Variants in MDGA2 observed in about 807,000 individuals in gnomAD.
MDGA2 encodes the protein MAM domain-containing glycosylphosphatidylinositol anchor protein 2.
MDGA2 carries 40 observed loss-of-function variants against 117.8 expected under a neutral mutation model. The ratio of observed to expected loss-of-function variants is 0.34; its 90% confidence interval spans 0.26 to 0.44. The LOEUF (loss-of-function observed/expected upper bound fraction) is 0.44, where lower values mean the gene tolerates loss of function less well. MDGA2 is among the 20% of genes least tolerant of loss of function. The probability of loss-of-function intolerance (pLI) is 1.00; values close to 1 mark genes in which losing one functional copy is unlikely to be tolerated. For synonymous variants in MDGA2, 452 were observed against 439.0 expected (o/e 1.03, Z -0.37); for missense variants, 1,123 against 1,250.6 (o/e 0.90, Z 1.54).
intron 1 of MDGA2, among the ~76,000 whole-genome samples, chr14:47,380,443 G>A (rs117797722): frequency 0.019 from 2,894 of 151,822 alleles, 64 homozygotes; most frequent in East Asian, 0.11. Context: ...CTCATTTTTT[G>A]AAACGATCAA....
chr14:46,868,869 C>T (rs71418118), intron 14 of MDGA2, among the ~76,000 whole-genome samples: 2 of 151,956 alleles, frequency 1.3e-5, no homozygotes, highest in African/African-American at 4.8e-5. Flanking sequence ...AAGGCAACTT[C>T]CATGTCAGCT....
intron 8 of MDGA2, among the ~76,000 whole-genome samples, chr14:46,983,183 G>T (rs994307994): frequency 6.6e-6 from 1 of 152,006 alleles, no homozygotes; most frequent in Non-Finnish European, 1.5e-5. Context: ...CACTCCTAAA[G>T]AAATATTCTA....
At chr14:46,862,068 T>C (rs949403483) in intron 14 of MDGA2, among the ~76,000 whole-genome samples, 1 of 152,066 alleles carries the variant, frequency 6.6e-6, no homozygotes, top group Admixed American at 6.5e-5. Context: ...GTTCATGCTT[T>C]AGTAGACATC....
chr14:47,254,010 T>C (rs1414345783), intron 2 of MDGA2, among the ~76,000 whole-genome samples: 1 of 152,244 alleles, frequency 6.6e-6, no homozygotes, highest in South Asian at 2.1e-4. Context: ...TCGCCTCTTT[T>C]AGCCATGGCT....
chr14:47,235,653 T>C (rs959209482), intron 2 of MDGA2, among the ~76,000 whole-genome samples: 1 of 152,086 alleles, frequency 6.6e-6, no homozygotes, highest in African/African-American at 2.4e-5. Flanking sequence ...CAAGGAAAAA[T>C]GTGAGGAAAT....
chr14:47,108,312 G>C (rs1418570954), intron 5 of MDGA2, among the ~76,000 whole-genome samples: 5 of 152,122 alleles, frequency 3.3e-5, no homozygotes, highest in Non-Finnish European at 5.9e-5. Context: ...AAGAAGGCAG[G>C]AATATCAGGC....
chr14:47,618,354 T>C (rs1896984954), intron 1 of MDGA2, among the ~76,000 whole-genome samples: 1 of 152,184 alleles, frequency 6.6e-6, no homozygotes, highest in South Asian at 2.1e-4. Flanking sequence ...CCTCCATTTC[T>C]GTTTATCTGT....
At chr14:46,910,580 G>C (rs765566590) in intron 10 of MDGA2, among the ~76,000 whole-genome samples, 1 of 152,170 alleles carries the variant, frequency 6.6e-6, no homozygotes, top group Non-Finnish European at 1.5e-5. Flanking sequence ...CACAAGGCAA[G>C]GATGCCCTCT....
intron 1 of MDGA2, among the ~76,000 whole-genome samples, chr14:47,318,934 T>C (rs1389840033): frequency 1.3e-5 from 2 of 152,194 alleles, no homozygotes; most frequent in African/African-American, 4.8e-5. Flanking sequence ...TCCTAACTGA[T>C]TGTCACTTGA....
intron 1 of MDGA2, among the ~76,000 whole-genome samples, chr14:47,573,770 TG>T (rs1834473475): frequency 2.0e-5 from 3 of 152,304 alleles, no homozygotes; most frequent in Middle Eastern, 6.8e-3. Context: ...AAGAGCTGAT[TG>T]GAAGAAATGA....
rs986012638 is a variant in MDGA2, at chr14:47,238,696, A to T, written c.421-20501T>A. ...TTACTCAGAGAATAAGATTTATGAA[A>T]AGACTTTAAAGCTTAGCAGTGTTAG... On this transcript the variant is annotated intron_variant, in intron 2 of 16. Transcript: ENST00000399232. 1.1e-4 allele frequency among the ~76,000 whole-genome samples: 17 copies of T among 151,786 alleles called. 1 individual carries two copies. The highest frequency in any genetic ancestry group is 2.2e-4 in the Non-Finnish European group (15 of 67,814).
chr14:47,147,550 C>T (rs775023408), intron 3 of MDGA2, among the ~76,000 whole-genome samples: 17 of 152,140 alleles, frequency 1.1e-4, no homozygotes, highest in Non-Finnish European at 2.2e-4. Context: ...CTACTCCTCG[C>T]TAGGAGACAT....
chr14:46,886,382 A>T (rs1270648253), intron 10 of MDGA2, among the ~76,000 whole-genome samples: 1 of 152,148 alleles, frequency 6.6e-6, no homozygotes, highest in Non-Finnish European at 1.5e-5. Flanking sequence ...ATATTGAACT[A>T]AAATTAATTT....
At chr14:47,136,377 A>C (rs1882457898) in intron 4 of MDGA2, among the ~76,000 whole-genome samples, 1 of 151,714 alleles carries the variant, frequency 6.6e-6, no homozygotes, top group East Asian at 1.9e-4. Flanking sequence ...TTATATTTTT[A>C]GTAGAGACGG....
rs867265552 is a variant in MDGA2 at position 47,052,501 on chromosome 14, T to C, written c.1525+8748A>G. 3.3e-5 allele frequency among the ~76,000 whole-genome samples: 5 copies of C among 151,978 alleles called. No individual in the cohort carries two copies. In the South Asian group the frequency reaches 6.2e-4, roughly 19 times the overall value. On this transcript the variant is annotated intron_variant, in intron 7 of 16. Transcript: ENST00000399232. ...AATTATAAATCCAATGTTCTTTCCA[T>C]AGTAATACAGATTCAATTTTATGTG... is the stretch of plus-strand genomic sequence containing the variant.
chr14:46,929,253 G>C (rs377019519), intron 9 of MDGA2, among the ~76,000 whole-genome samples: 2 of 152,028 alleles, frequency 1.3e-5, no homozygotes, highest in East Asian at 1.9e-4. Context: ...GGTGAAGAGT[G>C]AAAGTTAGCC....
At chr14:47,362,414 T>G (rs1311882280) in intron 1 of MDGA2, among the ~76,000 whole-genome samples, 2 of 152,190 alleles carry the variant, frequency 1.3e-5, no homozygotes, top group African/African-American at 4.8e-5. Context: ...ATATAATGTT[T>G]ATTGGCTTTA....
intron 1 of MDGA2, among the ~76,000 whole-genome samples, chr14:47,389,577 C>T (rs1344845810): frequency 2.7e-5 from 4 of 149,284 alleles, no homozygotes; most frequent in African/African-American, 9.9e-5. Context: ...GTCAATTACC[C>T]TTTTGCAGGA....
intron 1 of MDGA2, among the ~76,000 whole-genome samples, chr14:47,365,891 A>T (rs1891221036): frequency 6.6e-6 from 1 of 152,284 alleles, no homozygotes; most frequent in South Asian, 2.1e-4. Flanking sequence ...TTCTTTTAAT[A>T]TTTCCTCATA....
Sources: gnomAD v4.1 joint callset for allele counts (sites outside exome capture counted in the v4.1 genomes callset) on GRCh38, gnomAD v4.1.1 for gene constraint, MANE v1.5 for transcripts, NCBI Gene and HGNC (gene_info 2026-07-23, HGNC 2026-07-21) for gene names.